DES: variants seen among roughly 807,000 people sequenced by gnomAD.
DES encodes desmin, also known as cardiomyopathy, dilated 1F (autosomal dominant).
Under a neutral mutation model 55.1 loss-of-function variants are expected in DES, and 34 were observed. The observed-to-expected ratio is 0.62, with a 90% CI of 0.47 to 0.82. DES has a LOEUF of 0.82. Ranked by LOEUF, DES falls within the 40% of genes least tolerant of loss-of-function variation. DES has a pLI of 0.00. For synonymous variants in DES, 259 were observed against 270.8 expected (o/e 0.96, Z 0.43); for missense variants, 596 against 645.9 (o/e 0.92, Z 0.84).
chr2:219,419,595 A>G lies in DES; in HGVS notation c.579-500A>G, dbSNP rs988153785. 2.6e-5 allele frequency among the ~76,000 whole-genome samples: 4 copies of G among 152,060 alleles called. No homozygotes were observed. Among genetic ancestry groups the G allele is most frequent in the Non-Finnish European group, 4.4e-5 (3 of 67,994 alleles). On this transcript the variant is annotated intron_variant, in intron 1 of 8. Transcript: ENST00000373960. This position sits in a 1 kb window ranked among gnomAD's most constrained non-coding sequence, Gnocchi z 4.3. ...TACAAGGTGAATGGACAGGCTGGAG[A>G]AAAAGGGAGTAGGTGGGGGTCACAG...
intron 7 of DES, 170 bp downstream of exon 7, chr2:219,423,990 A>T (rs1954492706): frequency 1.4e-6 from 1 of 692,994 alleles, no homozygotes. Context: ...GTTTAGGTAG[A>T]GGTGGATGAG....
intron 6 of DES, among the ~76,000 whole-genome samples, chr2:219,423,186 A>G (rs1954474447): frequency 6.6e-6 from 1 of 152,174 alleles, no homozygotes; most frequent in African/African-American, 2.4e-5. Context: ...CAGGAGCAAG[A>G]AGGAAATCCT....
In DES at chr2:219,418,522, G is replaced by C. The variant is rs1058253; in HGVS notation, c.60G>C (p.Gly20=). The C allele has an allele frequency of 6.2e-7, 1 of 1,603,332 alleles. No individual in the cohort carries two copies. Among genetic ancestry groups the C allele is most frequent in the South Asian group, 1.1e-5 (1 of 90,190 alleles). The change falls in exon 1 of 9, where the codon GGG becomes GGC. Residue 20 remains glycine (G), a synonymous_variant. Coordinates refer to ENST00000373960, the MANE Select transcript of DES (RefSeq NM_001927.4). ...RVSSYRRTFG[G]APGFPLGSPL... The stretch of plus-strand genomic sequence containing the variant: ...CCTCCTACCGCCGCACCTTCGGCGG[G>C]GCCCCGGGCTTCCCACTCGGCTCCC...
chr2:219,425,472 A>G (rs2669120), intron 7 of DES, 191 bp from the exon 8 acceptor site: 2 of 621,786 alleles, frequency 3.2e-6, no homozygotes, highest in East Asian at 2.8e-5. Context: ...GGCGCTGGGG[A>G]CTGCAGAACC....
Position 219,420,080 on chromosome 2 carries a change from G to C in DES, c.579-15G>C, listed in dbSNP as rs910153257. ...ATCACCCGCAACTGTCTGTCTTTCT[G>C]TCTGTCCCACCCAGGCTGCAGGAGG... On this transcript the variant is annotated splice_polypyrimidine_tract_variant and intron_variant, in intron 1 of 8. Coordinates refer to ENST00000373960, the MANE Select transcript of DES (RefSeq NM_001927.4). The surrounding 1 kb of genome is among the most constrained non-coding windows in gnomAD (Gnocchi z 6.0). 1 of 1,614,028 alleles carries C rather than the reference G, an allele frequency of 6.2e-7. No individual in the cohort carries two copies. The highest frequency in any genetic ancestry group is 1.7e-5 in the Admixed American group (1 of 60,012).
intron 7 of DES, 193 bp from the exon 8 acceptor site, chr2:219,425,470 G>A (rs1398927788): frequency 9.7e-6 from 6 of 621,520 alleles, no homozygotes; most frequent in Admixed American, 2.4e-5. Flanking sequence ...CAGGCGCTGG[G>A]GACTGCAGAA....
At chr2:219,425,905 C>T in intron 8 of DES, 44 bp from the exon 9 acceptor site, 1 of 1,613,440 alleles carries the variant, frequency 6.2e-7, no homozygotes, top group South Asian at 1.1e-5. Context: ...AGGCTCCATT[C>T]TCTGGCTAGC....
chr2:219,426,336 C>A lies in DES; in HGVS notation c.*346C>A. ...CACTAGCCTTTGGCTCTGGAGACAG[C>A]CCCAGAGCAGGGTGTTGGGATACTG... On this transcript the variant is annotated 3_prime_UTR_variant, in exon 9 of 9. Transcript: ENST00000373960. The surrounding 1 kb of genome is among the most constrained non-coding windows in gnomAD (Gnocchi z 4.5). 2.1e-6 allele frequency: 1 copy of A among 466,808 alleles called. No homozygotes were observed. Among genetic ancestry groups the A allele is most frequent in the East Asian group, 4.3e-5 (1 of 23,388 alleles). 28.9% of individuals were successfully genotyped at this position (466,808 alleles called of 1,614,324 possible). A position where few individuals can be genotyped will look rare whatever the true frequency, so the allele number is the denominator to read the frequency against.
At chr2:219,425,398 TC>T (rs1954517119) in intron 7 of DES, 1 of 493,504 alleles carries the variant, frequency 2.0e-6, no homozygotes, top group Non-Finnish European at 3.7e-6. Flanking sequence ...TCCCCTACCC[TC>T]CTGCACCATC....
chr2:219,422,160 A>C (rs999618429), intron 6 of DES, among the ~76,000 whole-genome samples: 6 of 152,332 alleles, frequency 3.9e-5, no homozygotes, highest in African/African-American at 1.4e-4. Context: ...TATTACTGCC[A>C]GTCAAGGGAG....
At position 219,418,533 on chromosome 2, in the gene DES, T is replaced by TCCCGCTCGGCTC. The variant is rs1287075970; in HGVS notation, c.74_75insGCTCGGCTCCCC (p.Gly27_Leu30dup). On this transcript the variant is annotated inframe_insertion, in exon 1 of 9. Coordinates refer to ENST00000373960, the MANE Select transcript of DES (RefSeq NM_001927.4). The stretch of plus-strand genomic sequence containing the variant: ...CGCACCTTCGGCGGGGCCCCGGGCT[T>TCCCGCTCGGCTC]CCCACTCGGCTCCCCGCTGAGTTCG... 3.1e-6 allele frequency: 5 copies of TCCCGCTCGGCTC among 1,603,520 alleles called. No individual in the cohort carries two copies. The highest frequency in any genetic ancestry group is 2.2e-5 in the South Asian group (2 of 90,008).
intron 7 of DES, among the ~76,000 whole-genome samples, chr2:219,424,042 A>G (rs1954493488): frequency 6.6e-6 from 1 of 152,188 alleles, no homozygotes; most frequent in East Asian, 1.9e-4. Flanking sequence ...ATTATATTGT[A>G]TTGTATTTAC....
chr2:219,426,674 C>T lies in DES; in HGVS notation c.*684C>T, dbSNP rs181219659. On this transcript the variant is annotated 3_prime_UTR_variant, in exon 9 of 9. Coordinates refer to ENST00000373960, the MANE Select transcript of DES (RefSeq NM_001927.4). The surrounding 1 kb of genome is among the most constrained non-coding windows in gnomAD (Gnocchi z 4.5). Reference sequence around the variant, plus strand: ...GGTGGGAGGGGCGCCCACCTCCCCACGCCCTCCCCTCCCCTGCTGCAGGGG... The same window carrying T: ...GGTGGGAGGGGCGCCCACCTCCCCATGCCCTCCCCTCCCCTGCTGCAGGGG... 5.8e-5 allele frequency: 9 copies of T among 155,568 alleles called. No homozygotes were observed. The highest frequency in any genetic ancestry group is 1.9e-4 in the East Asian group (1 of 5,202). 9.6% of individuals were successfully genotyped at this position (155,568 alleles called of 1,614,324 possible). A position where few individuals can be genotyped will look rare whatever the true frequency, so the allele number is the denominator to read the frequency against.
rs373556951 is a variant in DES at position 219,420,212 on chromosome 2, G to A, written c.640-39G>A. On this transcript the variant is annotated intron_variant, in intron 2 of 8. Transcript: ENST00000373960. This position sits in a 1 kb window ranked among gnomAD's most constrained non-coding sequence, Gnocchi z 6.0. Reference sequence around the variant, plus strand: ...TCTGGCCTTGCTCTGCCCCACCTGGGTGGCGGTGACCATGTCCTTCTCGCT... The same window carrying A: ...TCTGGCCTTGCTCTGCCCCACCTGGATGGCGGTGACCATGTCCTTCTCGCT... 2.5e-6 allele frequency: 4 copies of A among 1,614,152 alleles called. No individual in the cohort carries two copies. Among genetic ancestry groups the A allele is most frequent in the Non-Finnish European group, 3.4e-6 (4 of 1,179,982 alleles).
In DES at chr2:219,418,621, G is replaced by C; in HGVS notation, c.159G>C (p.Val53=). 1 of 1,602,402 alleles carries C rather than the reference G, an allele frequency of 6.2e-7. No individual in the cohort carries two copies. The highest frequency in any genetic ancestry group is 8.5e-7 in the Non-Finnish European group (1 of 1,174,822). The part of the protein sequence containing the change: ...KGSSSSVTSR[V]YQVSRTSGGA... ...CCTCCAGCTCGGTGACGTCCCGCGT[G>C]TACCAGGTGTCGCGCACGTCGGGCG... Residue 53 remains valine (V), a synonymous_variant, in exon 1 of 9, where the codon GTG becomes GTC. Coordinates refer to ENST00000373960, the MANE Select transcript of DES (RefSeq NM_001927.4).
Position 219,421,482 on chromosome 2 carries a change from A to G in DES, c.1166A>G (p.Gln389Arg). ...ATGGCCCGCCATCTGCGCGAGTACCAGGACCTGCTCAACGTGAAGATGGCC... is the reference window on the plus strand; with the variant it reads ...ATGGCCCGCCATCTGCGCGAGTACCGGGACCTGCTCAACGTGAAGATGGCC... ...DEMARHLREY[Q>R]DLLNVKMALD... The change falls in exon 6 of 9, where the codon CAG (glutamine) becomes CGG (arginine). Residue 389 changes from glutamine (Q) to arginine (R), a missense_variant. Coordinates refer to ENST00000373960, the MANE Select transcript of DES (RefSeq NM_001927.4). 1 of 1,614,104 alleles carries G rather than the reference A, an allele frequency of 6.2e-7. No individual in the cohort carries two copies. The highest frequency in any genetic ancestry group is 2.2e-5 in the East Asian group (1 of 44,848).
chr2:219,423,533 G>T (rs1012821320), intron 6 of DES, among the ~76,000 whole-genome samples: 1 of 150,234 alleles, frequency 6.7e-6, no homozygotes, highest in Admixed American at 6.7e-5. Flanking sequence ...TCCACCTCCT[G>T]GGTTCGCACC....
rs1954379289 is a variant in DES at position 219,418,961 on chromosome 2, G to C, written c.499G>C (p.Glu167Gln). ...EELRELRRQV[E>Q]VLTNQRARVD... ...GCTGCGGGAGCTGCGGCGCCAGGTG[G>C]AGGTGCTCACTAACCAGCGCGCGCG... The change falls in exon 1 of 9, where the codon GAG (glutamate) becomes CAG (glutamine). Residue 167 changes from glutamate to glutamine, a missense_variant. By Grantham distance (29) the Glu-to-Gln change is conservative. Transcript: ENST00000373960. 6.4e-7 allele frequency: 1 copy of C among 1,555,532 alleles called. No individual in the cohort carries two copies. Among genetic ancestry groups the C allele is most frequent in the Middle Eastern group, 1.7e-4 (1 of 5,888 alleles).
Position 219,426,104 on chromosome 2 carries a change from G to T in DES, c.*114G>T, listed in dbSNP as rs755277387. On this transcript the variant is annotated 3_prime_UTR_variant, in exon 9 of 9. Coordinates refer to ENST00000373960, the MANE Select transcript of DES (RefSeq NM_001927.4). The surrounding 1 kb of genome is among the most constrained non-coding windows in gnomAD (Gnocchi z 4.5). Reference sequence around the variant, plus strand: ...ACCCAGCCTCAGTCCTCCCCTCACAGCCTCTGACCCCTCCTCACTGGCCAT... The same window carrying T: ...ACCCAGCCTCAGTCCTCCCCTCACATCCTCTGACCCCTCCTCACTGGCCAT... 8.6e-5 allele frequency: 104 copies of T among 1,208,798 alleles called. No homozygotes were observed. The highest frequency in any genetic ancestry group is 1.2e-4 in the Non-Finnish European group (103 of 835,576). 74.9% of individuals were successfully genotyped at this position (1,208,798 alleles called of 1,614,324 possible).
Sources: gnomAD v4.1 joint callset for allele counts (sites outside exome capture counted in the v4.1 genomes callset) on GRCh38, gnomAD v4.1.1 for gene constraint, Gnocchi (gnomAD v3.1) non-coding constraint, MANE v1.5 for transcripts, NCBI Gene and HGNC (gene_info 2026-07-23, HGNC 2026-07-21) for gene names.